Variants in CTNNA2 observed in about 807,000 individuals in gnomAD.
The protein encoded by CTNNA2 is catenin alpha-2.
A neutral mutation model predicts 101.0 loss-of-function variants in CTNNA2; 42 were observed. The ratio of observed to expected loss-of-function variants is 0.42; its 90% CI spans 0.32 to 0.54. The LOEUF (loss-of-function observed/expected upper bound fraction) is 0.54, where lower values mean the gene tolerates loss of function less well. Ranked by LOEUF, CTNNA2 falls within the 20% of genes least tolerant of loss-of-function variation. The pLI is 0.14. For synonymous variants in CTNNA2, 450 were observed against 456.4 expected, an observed-to-expected ratio of 0.99 and a Z score of 0.18; for missense variants, 871 against 1,223.1, an observed-to-expected ratio of 0.71 and a Z score of 4.29.
chr2:79,281,714 C>T (rs1675389592), intron 2 of CTNNA2, among the ~76,000 whole-genome samples: 1 of 152,220 alleles, frequency 6.6e-6, no homozygotes, highest in African/African-American at 2.4e-5. Context: ...CCAAAGACAA[C>T]AGCACACACT....
intron 1 of CTNNA2, among the ~76,000 whole-genome samples, chr2:79,563,850 C>T (rs1026384135): frequency 6.6e-6 from 1 of 152,064 alleles, no homozygotes; most frequent in Non-Finnish European, 1.5e-5. Context: ...CATTCAAAGT[C>T]ATTATAACAA....
intron 1 of CTNNA2, among the ~76,000 whole-genome samples, chr2:79,646,469 G>A (rs1244342153): frequency 6.6e-6 from 1 of 151,474 alleles, no homozygotes; most frequent in Non-Finnish European, 1.5e-5. Context: ...AGTATTACCA[G>A]GTGGGCTGTA....
chr2:79,472,295 G>A (rs1671008485), intron 4 of CTNNA2, among the ~76,000 whole-genome samples: 1 of 152,234 alleles, frequency 6.6e-6, no homozygotes, highest in South Asian at 2.1e-4. Flanking sequence ...CCTTCAGGTG[G>A]TGGTACTGCA....
chr2:80,221,059 T>G lies in CTNNA2; in HGVS notation c.1057-172152T>G, dbSNP rs567838660. On this transcript the variant is annotated intron_variant, in intron 7 of 18. Coordinates refer to ENST00000402739, the MANE Select transcript of CTNNA2 (RefSeq NM_001282597.3). Reference sequence around the variant, plus strand: ...AAGCATGCCGGGCTAATTTTGGTGTTTGTAGTAGAGACGGGGTTTTACCAT... The same window carrying G: ...AAGCATGCCGGGCTAATTTTGGTGTGTGTAGTAGAGACGGGGTTTTACCAT... 8.5e-5 allele frequency among the ~76,000 whole-genome samples: 13 copies of G among 152,224 alleles called. No individual in the cohort carries two copies. In the South Asian group the frequency reaches 2.7e-3, roughly 32 times the overall value.
At chr2:80,312,027 C>A (rs184151333) in intron 7 of CTNNA2, among the ~76,000 whole-genome samples, 97 of 152,298 alleles carry the variant, frequency 6.4e-4, no homozygotes, top group African/African-American at 2.2e-3. Context: ...CTTCTACTTG[C>A]TATTAGCAAA....
chr2:80,453,671 C>T (rs944089416), intron 9 of CTNNA2, among the ~76,000 whole-genome samples: 12 of 152,074 alleles, frequency 7.9e-5, no homozygotes, highest in African/African-American at 1.9e-4. Context: ...TATCTGTTTG[C>T]GGGGGATCAC....
chr2:79,197,681 A>G (rs1673979273), intron 1 of CTNNA2, among the ~76,000 whole-genome samples: 1 of 152,208 alleles, frequency 6.6e-6, no homozygotes, highest in Non-Finnish European at 1.5e-5. Flanking sequence ...GTTTTATGTT[A>G]CTATTAATTT....
intron 9 of CTNNA2, among the ~76,000 whole-genome samples, chr2:80,470,975 G>T (rs897776339): frequency 6.6e-6 from 1 of 152,140 alleles, no homozygotes; most frequent in Non-Finnish European, 1.5e-5. Context: ...GTGGAGGGGG[G>T]TTTCCAGCCC....
In CTNNA2 at chr2:79,514,857, C is replaced by T. The variant is rs543162224; in HGVS notation, c.-6+1650C>T. ...TTAATGGTGGATTCTTTGAAGTTGC[C>T]AGTAAGACACTATGCTGTGGAACAC... On this transcript the variant is annotated intron_variant, in intron 1 of 18. Transcript: ENST00000402739. Among the ~76,000 whole-genome samples the T allele has an allele frequency of 5.9e-5, 9 of 152,200 alleles. No individual in the cohort carries two copies. In the East Asian group the frequency reaches 1.7e-3, roughly 29 times the overall value.
chr2:79,463,914 C>T (rs1332130853), intron 4 of CTNNA2, among the ~76,000 whole-genome samples: 1 of 151,900 alleles, frequency 6.6e-6, no homozygotes, highest in Non-Finnish European at 1.5e-5. Context: ...TCTTTCATTG[C>T]CTTATGTAAA....
At chr2:80,117,709 G>C (rs184095230) in intron 7 of CTNNA2, among the ~76,000 whole-genome samples, 269 of 152,200 alleles carry the variant, frequency 1.8e-3, no homozygotes, top group African/African-American at 6.3e-3. Flanking sequence ...CTGGTCTACT[G>C]GGGGGATTGA....
intron 7 of CTNNA2, among the ~76,000 whole-genome samples, chr2:80,314,101 C>A (rs1378347154): frequency 6.6e-6 from 1 of 151,964 alleles, no homozygotes; most frequent in African/African-American, 2.4e-5. Context: ...TCAGGGAGTC[C>A]CTGGAATGTG....
intron 1 of CTNNA2, among the ~76,000 whole-genome samples, chr2:79,520,370 T>C (rs1346973714): frequency 6.6e-6 from 1 of 152,224 alleles, no homozygotes; most frequent in African/African-American, 2.4e-5. Context: ...GCATAATGTT[T>C]GTGGGATCAA....
chr2:80,483,118 T>C (rs1261548099), intron 9 of CTNNA2, among the ~76,000 whole-genome samples: 1 of 152,176 alleles, frequency 6.6e-6, no homozygotes, highest in East Asian at 1.9e-4. Context: ...ATAGTATTAG[T>C]GTCTCTGAGA....
At chr2:79,680,959 A>T (rs1683524196) in intron 2 of CTNNA2, among the ~76,000 whole-genome samples, 1 of 152,160 alleles carries the variant, frequency 6.6e-6, no homozygotes, top group South Asian at 2.1e-4. Flanking sequence ...GACTGAAGGA[A>T]CCATAGAAGT....
At chr2:79,383,600 G>A (rs1678063420) in intron 4 of CTNNA2, among the ~76,000 whole-genome samples, 1 of 152,178 alleles carries the variant, frequency 6.6e-6, no homozygotes, top group African/African-American at 2.4e-5. Context: ...TAGTGCGTAT[G>A]CAGGCAGATG....
At chr2:80,050,897 G>T (rs1339212629) in intron 7 of CTNNA2, among the ~76,000 whole-genome samples, 1 of 151,802 alleles carries the variant, frequency 6.6e-6, no homozygotes, top group Non-Finnish European at 1.5e-5. Context: ...TTTATTTTTT[G>T]TTTTTCGTAG....
At chr2:80,260,574 T>C (rs1371961663) in intron 7 of CTNNA2, among the ~76,000 whole-genome samples, 2 of 152,110 alleles carry the variant, frequency 1.3e-5, no homozygotes, top group Non-Finnish European at 2.9e-5. Flanking sequence ...GTTTTGTTTT[T>C]CAACGCGAGG....
Position 79,874,085 on chromosome 2 carries a change from G to T in CTNNA2, c.595G>T (p.Asp199Tyr). The T allele has an allele frequency of 6.2e-7, 1 of 1,614,138 alleles. No homozygotes were observed. Among genetic ancestry groups the T allele is most frequent in the Non-Finnish European group, 8.5e-7 (1 of 1,180,012 alleles). The stretch of plus-strand genomic sequence containing the variant: ...TGTGTTACACACACAGGAGCTGAAG[G>T]ATCCTCACTGTCGGGATGAGATGGC... ...VAARRQQELK[D>Y]PHCRDEMAAA... The change falls in exon 6 of 19, where the codon GAT becomes TAT. Residue 199 changes from aspartate to tyrosine, a missense_variant. Physicochemically the swap from Asp to Tyr is radical, Grantham distance 160 (BLOSUM62 -3). Around this residue, in one of 5 missense-constraint regions of CTNNA2, gnomAD observed 647 missense variants for 831.5 expected, o/e 0.78. Transcript: ENST00000402739.
Sources: gnomAD v4.1 joint callset for allele counts (sites outside exome capture counted in the v4.1 genomes callset) on GRCh38, gnomAD v4.1.1 for gene constraint, gnomAD v4.1.1 regional missense constraint, MANE v1.5 for transcripts, NCBI Gene and HGNC (gene_info 2026-07-23, HGNC 2026-07-21) for gene names.